Variants in CALU observed in about 807,000 individuals in gnomAD.
CALU encodes the protein calumenin.
A neutral mutation model predicts 37.5 loss-of-function variants in CALU; 13 were observed. The observed-to-expected ratio is 0.35, with a 90% CI of 0.23 to 0.55. The LOEUF is 0.55. CALU is among the 20% of genes least tolerant of loss of function. The probability of loss-of-function intolerance (pLI) is 0.89; values close to 1 mark genes in which losing one functional copy is unlikely to be tolerated. For missense variants in CALU, 282 were observed against 391.7 expected (o/e 0.72, Z 2.36); for synonymous variants, 114 against 133.8 (o/e 0.85, Z 1.02).
At chr7:128,761,152 T>A (rs1359603029) in intron 5 of CALU, among the ~76,000 whole-genome samples, 3 of 152,120 alleles carry the variant, frequency 2.0e-5, no homozygotes, top group Admixed American at 6.5e-5. Context: ...TAAATTTTTT[T>A]AAAAAAATTG....
At chr7:128,760,255 A>G (rs529055223) in intron 5 of CALU, among the ~76,000 whole-genome samples, 123 of 152,174 alleles carry the variant, frequency 8.1e-4, no homozygotes, top group Non-Finnish European at 1.2e-3. Flanking sequence ...CCAAGGGTCA[A>G]TTCTCACTAG....
intron 3 of CALU, among the ~76,000 whole-genome samples, chr7:128,757,588 G>A (rs1800938486): frequency 6.6e-6 from 1 of 151,956 alleles, no homozygotes; most frequent in Non-Finnish European, 1.5e-5. Context: ...TTCTTAAAGG[G>A]GCCCTGTGGG....
intron 5 of CALU, among the ~76,000 whole-genome samples, chr7:128,765,983 GTCTC>G (rs1236386421): frequency 2.0e-5 from 3 of 152,038 alleles, no homozygotes; most frequent in Non-Finnish European, 4.4e-5. Context: ...TCAAGGTGGA[GTCTC>G]TCTCTCTCAC....
intron 1 of CALU, among the ~76,000 whole-genome samples, chr7:128,741,282 A>G (rs763670230): frequency 6.6e-6 from 1 of 152,258 alleles, no homozygotes; most frequent in Non-Finnish European, 1.5e-5. Context: ...TGGAAGTTGG[A>G]GAACACAGGC....
chr7:128,758,649 C>G (rs1341655059), intron 3 of CALU, among the ~76,000 whole-genome samples: 1 of 152,172 alleles, frequency 6.6e-6, no homozygotes, highest in Non-Finnish European at 1.5e-5. Context: ...TTACATAGTT[C>G]AGGAGCCAGA....
At chr7:128,742,292 C>T (rs1381901731) in intron 1 of CALU, among the ~76,000 whole-genome samples, 1 of 152,142 alleles carries the variant, frequency 6.6e-6, no homozygotes, top group Non-Finnish European at 1.5e-5. Flanking sequence ...CCTGTAATCT[C>T]CAATTGAAGT....
chr7:128,750,810 T>C (rs891391311), intron 2 of CALU, among the ~76,000 whole-genome samples: 2 of 152,364 alleles, frequency 1.3e-5, no homozygotes, highest in Middle Eastern at 3.4e-3. Context: ...TTCATGCCTT[T>C]AGTTGCAAAA....
chr7:128,743,759 C>T (rs1449298174), intron 1 of CALU, among the ~76,000 whole-genome samples: 9 of 152,054 alleles, frequency 5.9e-5, no homozygotes, highest in African/African-American at 1.9e-4. Flanking sequence ...CCGCCTTGGC[C>T]CTCCAAAGTG....
chr7:128,742,442 G>C (rs1042566220), intron 1 of CALU, among the ~76,000 whole-genome samples: 3 of 152,212 alleles, frequency 2.0e-5, no homozygotes, highest in Non-Finnish European at 4.4e-5. Context: ...TGAGCAATGG[G>C]TCTTTGGTCA....
chr7:128,768,788 G>A (rs939675171), intron 6 of CALU, among the ~76,000 whole-genome samples: 39 of 144,258 alleles, frequency 2.7e-4, no homozygotes, highest in African/African-American at 8.9e-4. Context: ...CGGAGGTTGC[G>A]GTGAGCTGAG....
intron 1 of CALU, among the ~76,000 whole-genome samples, chr7:128,740,603 G>C (rs953107544): frequency 7.6e-6 from 1 of 131,498 alleles, no homozygotes; most frequent in African/African-American, 2.8e-5. Flanking sequence ...AGTTGTATTT[G>C]TCAAGAAAAT....
chr7:128,760,225 G>A (rs559657639), intron 5 of CALU, among the ~76,000 whole-genome samples: 163 of 152,094 alleles, frequency 1.1e-3, no homozygotes, highest in Non-Finnish European at 7.4e-4. Flanking sequence ...AGATGTATTT[G>A]CCCATAGAAA....
At position 128,770,138 on chromosome 7, in the gene CALU, T is replaced by C. The variant is rs116878240; in HGVS notation, c.*971T>C. On this transcript the variant is annotated 3_prime_UTR_variant, in exon 7 of 7. Coordinates refer to ENST00000249364, the MANE Select transcript of CALU (RefSeq NM_001219.5). ...AATTCACTCCTTTCCAATCATGTCATTGAAAGTGCCTTTAACGAAAGAAAT... is the reference window on the plus strand; with the variant it reads ...AATTCACTCCTTTCCAATCATGTCACTGAAAGTGCCTTTAACGAAAGAAAT... 199 of 152,710 alleles carry C rather than the reference T, an allele frequency of 1.3e-3. 1 individual carries two copies. The highest frequency in any genetic ancestry group is 3.4e-3 in the Middle Eastern group (1 of 294). 9.5% of individuals were successfully genotyped at this position (152,710 alleles called of 1,614,324 possible). A position where few individuals can be genotyped will look rare whatever the true frequency, so the allele number is the denominator to read the frequency against.
intron 4 of CALU, 24 bp from the exon 5 acceptor site, chr7:128,759,768 C>G (rs1364611037): frequency 6.2e-6 from 7 of 1,131,170 alleles, no homozygotes; most frequent in Non-Finnish European, 9.4e-6. Context: ...ACTTAATAGT[C>G]TCTTCTTATT....
chr7:128,748,140 T>G, intron 1 of CALU: 1 of 453,416 alleles, frequency 2.2e-6, no homozygotes, highest in Non-Finnish European at 3.9e-6. Flanking sequence ...AACTTAAAGC[T>G]TCCTAGATGA....
Position 128,772,551 on chromosome 7 carries a change from C to G in CALU, c.*3384C>G, listed in dbSNP as rs759166292. 6.2e-6 allele frequency: 10 copies of G among 1,614,106 alleles called. No homozygotes were observed. The South Asian group carries it at 1.1e-4, about 18-fold the overall frequency. On this transcript the variant is annotated 3_prime_UTR_variant, in exon 7 of 7. Transcript: ENST00000249364. ...CCAATATTGGGTCCTCAGTTGGGGC[C>G]AACTTGGGTAGACGAGACAGTAGAA... is the stretch of plus-strand genomic sequence containing the variant.
intron 5 of CALU, among the ~76,000 whole-genome samples, chr7:128,766,171 A>G (rs1340371381): frequency 6.6e-6 from 1 of 152,062 alleles, no homozygotes; most frequent in African/African-American, 2.4e-5. Context: ...CATGTTGGCC[A>G]TGCTGGTCTC....
At chr7:128,764,846 CAT>C (rs1324729233) in intron 5 of CALU, among the ~76,000 whole-genome samples, 1 of 151,728 alleles carries the variant, frequency 6.6e-6, no homozygotes, top group Non-Finnish European at 1.5e-5. Context: ...TCAGTCACCA[CAT>C]GATATTGTCT....
chr7:128,742,598 A>G (rs994742416), intron 1 of CALU, among the ~76,000 whole-genome samples: 1 of 152,242 alleles, frequency 6.6e-6, no homozygotes, highest in African/African-American at 2.4e-5. Context: ...TGCTCGCAAT[A>G]CTGGTCCAAT....
Sources: gnomAD v4.1 joint callset for allele counts (sites outside exome capture counted in the v4.1 genomes callset) on GRCh38, gnomAD v4.1.1 for gene constraint, MANE v1.5 for transcripts, NCBI Gene and HGNC (gene_info 2026-07-23, HGNC 2026-07-21) for gene names.